RBMS3: variants seen among roughly 807,000 people sequenced by gnomAD.
The protein encoded by RBMS3 is RNA binding motif single stranded interacting protein 3.
A neutral mutation model predicts 66.8 loss-of-function variants in RBMS3; 27 were observed. The observed-to-expected ratio is 0.40, with a 90% CI of 0.30 to 0.56. The LOEUF is 0.56. Among genes scored for constraint, RBMS3 ranks in the 20% least tolerant of loss-of-function variants. The pLI is 0.40. For synonymous variants in RBMS3, 188 were observed against 183.0 expected, an observed-to-expected ratio of 1.03 and a Z score of -0.22; for missense variants, 513 against 549.5, an observed-to-expected ratio of 0.93 and a Z score of 0.66.
At chr3:29,625,799 TTTGTGATCTATGGCCAG>T in intron 4 of RBMS3, among the ~76,000 whole-genome samples, 1 of 152,268 alleles carries the variant, frequency 6.6e-6, no homozygotes, top group South Asian at 2.1e-4. Flanking sequence ...TTGACAGCTT[TTTGTGATCTATGGCCAG>T]TAATCTCTGC....
intron 12 of RBMS3, among the ~76,000 whole-genome samples, chr3:29,960,976 T>A (rs1012608300): frequency 6.6e-6 from 1 of 152,168 alleles, no homozygotes; most frequent in African/African-American, 2.4e-5. Context: ...GTCTTGGTGA[T>A]TAACAGTTGG....
At chr3:29,405,221 C>A (rs957544001) in intron 1 of RBMS3, among the ~76,000 whole-genome samples, 1 of 152,112 alleles carries the variant, frequency 6.6e-6, no homozygotes, top group Admixed American at 6.6e-5. Context: ...TATGTTCTCT[C>A]TGAGAATCCA....
chr3:29,617,432 G>A (rs920001878), intron 4 of RBMS3, among the ~76,000 whole-genome samples: 1 of 152,188 alleles, frequency 6.6e-6, no homozygotes, highest in Non-Finnish European at 1.5e-5. Flanking sequence ...GGTGATGAAA[G>A]TTGGAATAGG....
At chr3:29,542,700 C>T (rs936360400) in intron 3 of RBMS3, among the ~76,000 whole-genome samples, 2 of 152,124 alleles carry the variant, frequency 1.3e-5, no homozygotes, top group Non-Finnish European at 2.9e-5. Context: ...TGACAGTTTT[C>T]TCCCTATTAA....
At chr3:29,704,564 C>G (rs549360239) in intron 4 of RBMS3, among the ~76,000 whole-genome samples, 15 of 152,286 alleles carry the variant, frequency 9.8e-5, no homozygotes, top group African/African-American at 3.6e-4. Flanking sequence ...AACGGTGATA[C>G]TACTGCCTGT....
chr3:29,572,528 A>G (rs578121402), intron 3 of RBMS3, among the ~76,000 whole-genome samples: 1 of 152,260 alleles, frequency 6.6e-6, no homozygotes, highest in Admixed American at 6.5e-5. Context: ...AAATGATCAT[A>G]TGGTTGTTGT....
At chr3:29,424,406 C>T (rs553505096) in intron 1 of RBMS3, among the ~76,000 whole-genome samples, 4 of 152,262 alleles carry the variant, frequency 2.6e-5, no homozygotes, top group Admixed American at 1.3e-4. Flanking sequence ...ACAGCCCAGG[C>T]GTTTCAGATG....
At chr3:29,666,602 T>C (rs1435995785) in intron 4 of RBMS3, among the ~76,000 whole-genome samples, 1 of 146,702 alleles carries the variant, frequency 6.8e-6, no homozygotes, top group African/African-American at 2.5e-5. Flanking sequence ...GAATGGCACA[T>C]ACATAATCAA....
intron 7 of RBMS3, among the ~76,000 whole-genome samples, chr3:29,875,496 T>G (rs1168252065): frequency 6.6e-6 from 1 of 152,090 alleles, no homozygotes; most frequent in Non-Finnish European, 1.5e-5. Context: ...GAAAAGGAAC[T>G]TGACATACTA....
At chr3:29,847,994 C>G (rs1432448519) in intron 6 of RBMS3, among the ~76,000 whole-genome samples, 1 of 152,110 alleles carries the variant, frequency 6.6e-6, no homozygotes, top group Non-Finnish European at 1.5e-5. Context: ...GTGGTCTTTC[C>G]CCTTTGTATT....
At chr3:29,893,931 A>G (rs909635888) in intron 8 of RBMS3, among the ~76,000 whole-genome samples, 1 of 151,444 alleles carries the variant, frequency 6.6e-6, no homozygotes, top group Non-Finnish European at 1.5e-5. Flanking sequence ...TTCATTCAAC[A>G]TAGAGTTATC....
intron 4 of RBMS3, among the ~76,000 whole-genome samples, chr3:29,596,957 G>T (rs1047396044): frequency 6.6e-6 from 1 of 152,098 alleles, no homozygotes; most frequent in African/African-American, 2.4e-5. Flanking sequence ...CTATCCTAAT[G>T]AATTATTCAG....
intron 10 of RBMS3, among the ~76,000 whole-genome samples, chr3:29,927,962 C>T (rs1402019335): frequency 6.6e-6 from 1 of 151,976 alleles, no homozygotes; most frequent in Non-Finnish European, 1.5e-5. Context: ...TGTCCTGTCA[C>T]TGAACTGTCC....
chr3:29,698,704 G>A (rs1314231133), intron 4 of RBMS3: 1 of 697,324 alleles, frequency 1.4e-6, no homozygotes, highest in Non-Finnish European at 1.8e-6. Context: ...AAGACTCTGT[G>A]TGGACTATGC....
chr3:29,964,964 T>G (rs911172880), intron 12 of RBMS3, among the ~76,000 whole-genome samples: 1 of 152,168 alleles, frequency 6.6e-6, no homozygotes, highest in Non-Finnish European at 1.5e-5. Context: ...AGTGAGAACA[T>G]AACATGTTTG....
intron 1 of RBMS3, among the ~76,000 whole-genome samples, chr3:29,383,070 C>A (rs1640354822): frequency 6.6e-6 from 1 of 152,166 alleles, no homozygotes. Flanking sequence ...TGTGCTCTGG[C>A]TTTTCAGGCC....
At chr3:29,825,997 C>T (rs1226028143) in intron 6 of RBMS3, among the ~76,000 whole-genome samples, 1 of 152,066 alleles carries the variant, frequency 6.6e-6, no homozygotes, top group Non-Finnish European at 1.5e-5. Context: ...TATTCTTATA[C>T]TTGTCATGAT....
chr3:29,975,876 A>T (rs905596021), intron 12 of RBMS3, among the ~76,000 whole-genome samples: 22 of 152,058 alleles, frequency 1.4e-4, no homozygotes, highest in Non-Finnish European at 2.9e-4. Flanking sequence ...CTACTAAGAA[A>T]TCTGCTTGAA....
At chr3:29,787,716 G>A (rs2056866979) in intron 6 of RBMS3, among the ~76,000 whole-genome samples, 1 of 152,054 alleles carries the variant, frequency 6.6e-6, no homozygotes, top group Non-Finnish European at 1.5e-5. Flanking sequence ...AGAAATAAAA[G>A]GCCACACACT....
Sources: allele counts gnomAD v4.1 joint callset (sites outside exome capture counted in the v4.1 genomes callset), GRCh38; gene constraint gnomAD v4.1.1; transcripts MANE v1.5; gene names NCBI Gene and HGNC (gene_info 2026-07-23, HGNC 2026-07-21).